The following SPOCK3 variants were observed in gnomAD, a reference collection of about 807,000 sequenced individuals.
SPOCK3 encodes the protein SPARC (osteonectin), cwcv and kazal like domains proteoglycan 3.
SPOCK3 carries 30 observed loss-of-function variants against 56.6 expected under a neutral mutation model. That is an observed-to-expected ratio of 0.53 (90% confidence interval 0.40 to 0.72). The LOEUF (loss-of-function observed/expected upper bound fraction) is 0.72. Among genes scored for constraint, SPOCK3 ranks in the 30% least tolerant of loss-of-function variants. The probability of loss-of-function intolerance (pLI) is 0.00; values close to 1 mark genes in which losing one functional copy is unlikely to be tolerated. For missense variants in SPOCK3, 527 were observed against 530.0 expected, an observed-to-expected ratio of 0.99 and a Z score of 0.06; for synonymous variants, 196 against 183.3, an observed-to-expected ratio of 1.07 and a Z score of -0.56.
At chr4:167,069,156 C>G (rs1381261059) in intron 2 of SPOCK3, among the ~76,000 whole-genome samples, 1 of 151,872 alleles carries the variant, frequency 6.6e-6, no homozygotes, top group Non-Finnish European at 1.5e-5. Flanking sequence ...ATCCTCCTCC[C>G]TTTGAATAGC....
At chr4:167,185,801 T>C (rs2110799281) in intron 2 of SPOCK3, among the ~76,000 whole-genome samples, 1 of 152,330 alleles carries the variant, frequency 6.6e-6, no homozygotes, top group East Asian at 1.9e-4. Context: ...TGATAGGATT[T>C]TTTTTGAACC....
At chr4:166,856,802 A>G (rs1040012515) in intron 6 of SPOCK3, among the ~76,000 whole-genome samples, 62 of 151,220 alleles carry the variant, frequency 4.1e-4, no homozygotes, top group African/African-American at 1.5e-3. Flanking sequence ...CTATCTATCT[A>G]TCTATCTAGA....
At chr4:166,889,423 C>T (rs1401575807) in intron 5 of SPOCK3, among the ~76,000 whole-genome samples, 179 bp from the exon 6 acceptor site, 2 of 151,818 alleles carry the variant, frequency 1.3e-5, no homozygotes, top group Non-Finnish European at 2.9e-5. Context: ...ATTACTACTT[C>T]GTAAAAGAGG....
intron 6 of SPOCK3, among the ~76,000 whole-genome samples, 159 bp downstream of exon 6, chr4:166,888,971 G>T (rs1326123945): frequency 6.6e-6 from 1 of 151,946 alleles, no homozygotes; most frequent in Non-Finnish European, 1.5e-5. Context: ...TGCTATAATA[G>T]TTGAGGCTAA....
chr4:167,079,768 T>C (rs961490740), intron 2 of SPOCK3, among the ~76,000 whole-genome samples: 2 of 152,106 alleles, frequency 1.3e-5, no homozygotes, highest in East Asian at 3.9e-4. Flanking sequence ...TGGGATTTTA[T>C]GGTGTTGGCA....
At chr4:166,803,527 C>T (rs1308005877) in intron 6 of SPOCK3, among the ~76,000 whole-genome samples, 2 of 152,086 alleles carry the variant, frequency 1.3e-5, no homozygotes, top group Admixed American at 6.6e-5. Context: ...AGTGGTATTC[C>T]GGGCAAACGT....
chr4:166,871,609 G>A (rs1362537217), intron 6 of SPOCK3, among the ~76,000 whole-genome samples: 1 of 102,746 alleles, frequency 9.7e-6, no homozygotes, highest in Non-Finnish European at 1.9e-5. Context: ...CTTCAGTGGT[G>A]AATTCTATGG....
chr4:166,784,578 C>T (rs1012923591), intron 7 of SPOCK3, among the ~76,000 whole-genome samples: 4 of 152,052 alleles, frequency 2.6e-5, no homozygotes, highest in African/African-American at 7.2e-5. Context: ...ATCTAATCTT[C>T]TCAAATATTT....
chr4:167,154,209 CAT>C (rs770920504), intron 2 of SPOCK3, among the ~76,000 whole-genome samples: 3 of 152,058 alleles, frequency 2.0e-5, no homozygotes, highest in Non-Finnish European at 4.4e-5. Flanking sequence ...CATACACACA[CAT>C]GCACGCGTGC....
chr4:167,206,137 AATGTGGT>A (rs1734307919), intron 2 of SPOCK3, among the ~76,000 whole-genome samples: 3 of 151,952 alleles, frequency 2.0e-5, no homozygotes, highest in African/African-American at 7.3e-5. Flanking sequence ...CAGCCTAGCT[AATGTGGT>A]GAAATTCCAT....
chr4:166,932,778 T>G (rs1449199238), intron 4 of SPOCK3, among the ~76,000 whole-genome samples: 1 of 152,206 alleles, frequency 6.6e-6, no homozygotes, highest in Non-Finnish European at 1.5e-5. Flanking sequence ...AAAATTCACT[T>G]GCTTAATTTA....
chr4:167,012,263 C>A (rs1390037702), intron 3 of SPOCK3, among the ~76,000 whole-genome samples: 2 of 151,848 alleles, frequency 1.3e-5, no homozygotes, highest in Admixed American at 6.6e-5. Flanking sequence ...TATACAGCCT[C>A]TACTAGTATA....
At chr4:167,207,376 T>C (rs906690644) in intron 2 of SPOCK3, among the ~76,000 whole-genome samples, 1 of 151,990 alleles carries the variant, frequency 6.6e-6, no homozygotes, top group Non-Finnish European at 1.5e-5. Flanking sequence ...AAAGATTATA[T>C]ATTAACAGAA....
chr4:166,872,931 A>AAAAAG (rs1732636715), intron 6 of SPOCK3, among the ~76,000 whole-genome samples: 1 of 152,124 alleles, frequency 6.6e-6, no homozygotes, highest in Non-Finnish European at 1.5e-5. Flanking sequence ...TCACCTGGTG[A>AAAAAG]AAAAGGAAGC....
At chr4:167,144,870 TG>T (rs2150405346) in intron 2 of SPOCK3, among the ~76,000 whole-genome samples, 2 of 152,056 alleles carry the variant, frequency 1.3e-5, no homozygotes, top group African/African-American at 4.8e-5. Flanking sequence ...AGCAGACAGT[TG>T]CTGAGCAAAG....
intron 2 of SPOCK3, among the ~76,000 whole-genome samples, chr4:167,168,697 G>A (rs1730219984): frequency 6.6e-6 from 1 of 152,152 alleles, no homozygotes; most frequent in South Asian, 2.1e-4. Context: ...TTTCTGGGGA[G>A]AAATTCCAGC....
chr4:167,141,468 C>T (rs1467924804), intron 2 of SPOCK3, among the ~76,000 whole-genome samples: 7 of 151,996 alleles, frequency 4.6e-5, no homozygotes. Context: ...ATCAGGGTCC[C>T]TCTCCAAAAT....
chr4:166,811,569 T>C (rs770673399), intron 6 of SPOCK3, among the ~76,000 whole-genome samples: 1 of 152,010 alleles, frequency 6.6e-6, no homozygotes, highest in Admixed American at 6.6e-5. Flanking sequence ...TTAGAGACCA[T>C]GGAATGATTC....
intron 4 of SPOCK3, among the ~76,000 whole-genome samples, chr4:166,914,407 ATTTAT>A (rs1737618750): frequency 6.6e-6 from 1 of 152,172 alleles, no homozygotes; most frequent in African/African-American, 2.4e-5. Flanking sequence ...TAAATATAAC[ATTTAT>A]GACTTAGAAA....
Sources: allele counts gnomAD v4.1 joint callset (sites outside exome capture counted in the v4.1 genomes callset), GRCh38; gene constraint gnomAD v4.1.1; transcripts MANE v1.5; gene names NCBI Gene and HGNC (gene_info 2026-07-23, HGNC 2026-07-21).